Variants in ARHGAP18 observed in about 807,000 individuals in gnomAD.
ARHGAP18 encodes the protein rho GTPase-activating protein 18.
Under a neutral mutation model 86.2 loss-of-function variants are expected in ARHGAP18, and 67 were observed. The observed-to-expected ratio is 0.78, with a 90% CI of 0.64 to 0.95. The LOEUF (loss-of-function observed/expected upper bound fraction) is 0.95, where lower values mean the gene tolerates loss of function less well. Among genes scored for constraint, ARHGAP18 ranks in the 40% least tolerant of loss-of-function variants. The pLI, the probability that ARHGAP18 is intolerant of heterozygous loss-of-function variation, is 0.00. For synonymous variants in ARHGAP18, 283 were observed against 280.4 expected, an observed-to-expected ratio of 1.01 and a Z score of -0.09; for missense variants, 691 against 780.4, an observed-to-expected ratio of 0.89 and a Z score of 1.37.
rs1304537106 is a variant in ARHGAP18 at position 129,645,898 on chromosome 6, T to C, written c.114-3880A>G. Among the ~76,000 whole-genome samples, 5 of 152,232 alleles carry C rather than the reference T, an allele frequency of 3.3e-5. No individual in the cohort carries two copies. The East Asian group carries it at 9.6e-4, about 29-fold the overall frequency. ...TTACAAAAATGAGGGCTTTGTTTTG[T>C]TGTATTTTCCCAAGGTATATGCTAT... On this transcript the variant is annotated intron_variant, in intron 1 of 14. Coordinates refer to ENST00000368149, the MANE Select transcript of ARHGAP18 (RefSeq NM_033515.3).
intron 1 of ARHGAP18, among the ~76,000 whole-genome samples, chr6:129,688,659 GCA>G (rs926410973): frequency 3.9e-5 from 6 of 152,142 alleles, no homozygotes; most frequent in Non-Finnish European, 8.8e-5. Context: ...AAGCATGGTG[GCA>G]CATGCCTGTA....
intron 5 of ARHGAP18, among the ~76,000 whole-genome samples, chr6:129,628,249 A>G (rs1261821667): frequency 6.6e-6 from 1 of 152,204 alleles, no homozygotes. Context: ...GTCTGCAGGG[A>G]GAAAATTACA....
intron 12 of ARHGAP18, among the ~76,000 whole-genome samples, chr6:129,596,244 ACTAC>A (rs1788613671): frequency 6.6e-6 from 1 of 152,054 alleles, no homozygotes; most frequent in African/African-American, 2.4e-5. Flanking sequence ...CTCATTTCAC[ACTAC>A]CGTTCCCTCT....
chr6:129,642,345 T>C (rs1031801406), intron 1 of ARHGAP18, among the ~76,000 whole-genome samples: 2 of 152,194 alleles, frequency 1.3e-5, no homozygotes, highest in African/African-American at 4.8e-5. Context: ...AGTGCACCAA[T>C]GTGACCATAG....
In ARHGAP18 at chr6:129,618,796, G is replaced by C; in HGVS notation, c.843C>G (p.Pro281=). The change falls in exon 6 of 15, where the codon CCC becomes CCG. Residue 281 remains proline (P), a synonymous_variant. Coordinates refer to ENST00000368149, the MANE Select transcript of ARHGAP18 (RefSeq NM_033515.3). ...TGTTRIGDLA[P]QDMKKVCHLA... ...AATGGCAAACTTTCTTCATGTCCTG[G>C]GGTGCGAGGTCACCAATCCTTGTGG... 6.2e-7 allele frequency: 1 copy of C among 1,613,398 alleles called. No homozygotes were observed. The highest frequency in any genetic ancestry group is 8.5e-7 in the Non-Finnish European group (1 of 1,179,864).
rs1489878171 is a variant in ARHGAP18, at chr6:129,628,788, C to T, written c.786+565G>A. ...AACCAAACAGACCTGACAACAAATACAGTATATGACTCTTGCTTGGAACCC... is the reference window on the plus strand; with the variant it reads ...AACCAAACAGACCTGACAACAAATATAGTATATGACTCTTGCTTGGAACCC... On this transcript the variant is annotated intron_variant, in intron 5 of 14. Transcript: ENST00000368149. Among the ~76,000 whole-genome samples the T allele has an allele frequency of 4.6e-5, 7 of 152,192 alleles. No homozygotes were observed. The East Asian group carries it at 1.4e-3, about 29-fold the overall frequency.
intron 9 of ARHGAP18, 66 bp downstream of exon 9, chr6:129,607,827 G>A: frequency 1.4e-6 from 2 of 1,443,336 alleles, no homozygotes; most frequent in Non-Finnish European, 9.2e-7. Flanking sequence ...GATGCCAAAT[G>A]TCATTAAAAC....
chr6:129,632,860 A>G (rs1269817905), intron 4 of ARHGAP18, among the ~76,000 whole-genome samples: 3 of 152,162 alleles, frequency 2.0e-5, no homozygotes, highest in Non-Finnish European at 4.4e-5. Flanking sequence ...TTTTATAGGA[A>G]TGTTGGGAAC....
intron 1 of ARHGAP18, among the ~76,000 whole-genome samples, chr6:129,703,108 C>T (rs998482436): frequency 6.6e-6 from 1 of 152,178 alleles, no homozygotes; most frequent in African/African-American, 2.4e-5. Context: ...TCCCTGTGGC[C>T]AGGGACAGCC....
chr6:129,695,180 C>T (rs1774592207), intron 1 of ARHGAP18, among the ~76,000 whole-genome samples: 1 of 152,070 alleles, frequency 6.6e-6, no homozygotes, highest in South Asian at 2.1e-4. Flanking sequence ...ATGCTACTTG[C>T]TACAAAGTCT....
chr6:129,581,660 C>T (rs7771748), intron 13 of ARHGAP18, among the ~76,000 whole-genome samples: 2,005 of 152,204 alleles, frequency 0.013, 50 homozygotes, highest in African/African-American at 0.045. Context: ...TTAAAGGCAA[C>T]AATCCTTTAC....
In ARHGAP18 at chr6:129,578,392, AT is replaced by A; in HGVS notation, c.*120del. ...TGACTTTTTAAGGCTTAAGAGAGTC[AT>A]TTTTAAATACTTGGGTACAACTGAA... On this transcript the variant is annotated 3_prime_UTR_variant, in exon 15 of 15. Coordinates refer to ENST00000368149, the MANE Select transcript of ARHGAP18 (RefSeq NM_033515.3). 1 of 598,626 alleles carries A rather than the reference AT, an allele frequency of 1.7e-6. No homozygotes were observed. The highest frequency in any genetic ancestry group is 2.7e-6 in the Non-Finnish European group (1 of 369,844). 37.1% of individuals were successfully genotyped at this position (598,626 alleles called of 1,614,324 possible).
At chr6:129,586,850 C>A (rs1290668276) in intron 12 of ARHGAP18, among the ~76,000 whole-genome samples, 1 of 152,126 alleles carries the variant, frequency 6.6e-6, no homozygotes, top group African/African-American at 2.4e-5. Flanking sequence ...TCTTTGTGTA[C>A]GTTCTACTCC....
At chr6:129,673,358 A>G (rs573127623) in intron 1 of ARHGAP18, among the ~76,000 whole-genome samples, 1 of 152,212 alleles carries the variant, frequency 6.6e-6, no homozygotes, top group East Asian at 1.9e-4. Flanking sequence ...CATGCCAAAA[A>G]AAAAAAAAAA....
rs1562698386 is a variant in ARHGAP18, at chr6:129,625,835, CATTTATATATTATATATTAT to C, written c.786+3498_786+3517del. Among the ~76,000 whole-genome samples the C allele has an allele frequency of 4.7e-4, 7 of 14,770 alleles. No individual in the cohort carries two copies. The South Asian group carries it at 5.3e-3, about 11-fold the overall frequency. The allele number at this position is 14,770 out of a possible 152,430, so 9.7% of individuals were successfully genotyped here. A position where few individuals can be genotyped will look rare whatever the true frequency, so the allele number is the denominator to read the frequency against. On this transcript the variant is annotated intron_variant, in intron 5 of 14. Transcript: ENST00000368149. The stretch of plus-strand genomic sequence containing the variant: ...ATATATTTATATATTATATATTATA[CATTTATATATTATATATTAT>C]ATTTATATATTATATATTATATATT...
intron 1 of ARHGAP18, among the ~76,000 whole-genome samples, chr6:129,668,451 T>C (rs1774084451): frequency 6.6e-6 from 1 of 151,096 alleles, no homozygotes; most frequent in Non-Finnish European, 1.5e-5. Context: ...TTTCAACATC[T>C]CCAAAATCTC....
intron 12 of ARHGAP18, among the ~76,000 whole-genome samples, chr6:129,595,898 T>G (rs1460182864): frequency 6.6e-6 from 1 of 152,176 alleles, no homozygotes; most frequent in African/African-American, 2.4e-5. Context: ...ACCTCTTTTG[T>G]TCTCCTACAT....
At chr6:129,662,164 C>T (rs1469492298) in intron 1 of ARHGAP18, among the ~76,000 whole-genome samples, 1 of 152,212 alleles carries the variant, frequency 6.6e-6, no homozygotes, top group Non-Finnish European at 1.5e-5. Flanking sequence ...AATGGTTTTA[C>T]TGCAGGTCAC....
Position 129,618,794 on chromosome 6 carries a change from T to A in ARHGAP18, c.845A>T (p.Gln282Leu). Residue 282 changes from glutamine (Q) to leucine (L), a missense_variant, in exon 6 of 15, where the codon CAG (glutamine) becomes CTG (leucine). Gln to Leu is a moderately radical substitution (Grantham distance 113, BLOSUM62 -2). Coordinates refer to ENST00000368149, the MANE Select transcript of ARHGAP18 (RefSeq NM_033515.3). Reference sequence around the variant, plus strand: ...TAAATGGCAAACTTTCTTCATGTCCTGGGGTGCGAGGTCACCAATCCTTGT... The same window carrying A: ...TAAATGGCAAACTTTCTTCATGTCCAGGGGTGCGAGGTCACCAATCCTTGT... ...GTTRIGDLAP[Q>L]DMKKVCHLAL... The A allele has an allele frequency of 1.9e-6, 3 of 1,613,666 alleles. No individual in the cohort carries two copies. Among genetic ancestry groups the A allele is most frequent in the Non-Finnish European group, 2.5e-6 (3 of 1,179,914 alleles).
Sources: gnomAD v4.1 joint callset for allele counts (sites outside exome capture counted in the v4.1 genomes callset) on GRCh38, gnomAD v4.1.1 for gene constraint, MANE v1.5 for transcripts, NCBI Gene and HGNC (gene_info 2026-07-23, HGNC 2026-07-21) for gene names.